NKAIN2: variants seen among roughly 807,000 people sequenced by gnomAD.
NKAIN2 encodes sodium/potassium-transporting ATPase subunit beta-1-interacting protein 2.
NKAIN2 carries 14 observed loss-of-function variants against 32.6 expected under a neutral mutation model. The observed-to-expected ratio is 0.43, with a 90% CI of 0.28 to 0.67. NKAIN2 has a LOEUF of 0.67. Among genes scored for constraint, NKAIN2 ranks in the 30% least tolerant of loss-of-function variants. The probability of loss-of-function intolerance (pLI) is 0.17; values close to 1 mark genes in which losing one functional copy is unlikely to be tolerated. For synonymous variants in NKAIN2, 80 were observed against 87.2 expected, an observed-to-expected ratio of 0.92 and a Z score of 0.46; for missense variants, 198 against 258.3, an observed-to-expected ratio of 0.77 and a Z score of 1.60.
At chr6:124,777,947 T>TCACA (rs142387344) in intron 4 of NKAIN2, among the ~76,000 whole-genome samples, 4,008 of 146,848 alleles carry the variant, frequency 0.027, 132 homozygotes, top group African/African-American at 0.08. Flanking sequence ...GAAATCACAT[T>TCACA]CACACACACA....
intron 4 of NKAIN2, among the ~76,000 whole-genome samples, chr6:124,786,880 C>T (rs1278420016): frequency 6.6e-6 from 1 of 152,068 alleles, no homozygotes; most frequent in Non-Finnish European, 1.5e-5. Flanking sequence ...ATACTCATAT[C>T]TACTCTAACA....
chr6:124,653,436 T>A, intron 3 of NKAIN2, among the ~76,000 whole-genome samples: 1 of 85,794 alleles, frequency 1.2e-5, no homozygotes, highest in African/African-American at 4.4e-5. Flanking sequence ...TAATTGCACA[T>A]CCACATGCAA....
At chr6:124,235,214 C>T (rs1031605561) in intron 1 of NKAIN2, among the ~76,000 whole-genome samples, 1 of 152,142 alleles carries the variant, frequency 6.6e-6, no homozygotes, top group African/African-American at 2.4e-5. Flanking sequence ...GGAAAAAGTA[C>T]ATTTGTTTAT....
chr6:124,173,027 T>C (rs1029143845), intron 1 of NKAIN2, among the ~76,000 whole-genome samples: 7 of 152,110 alleles, frequency 4.6e-5, no homozygotes, highest in Admixed American at 1.3e-4. Flanking sequence ...ATTCAAATCA[T>C]AGCTGATTTT....
At chr6:124,542,036 T>G (rs1779931235) in intron 3 of NKAIN2, among the ~76,000 whole-genome samples, 1 of 152,116 alleles carries the variant, frequency 6.6e-6, no homozygotes, top group South Asian at 2.1e-4. Flanking sequence ...ATGTAAGAAA[T>G]TTATTTAAAA....
At chr6:124,630,291 A>G (rs535782638) in intron 3 of NKAIN2, among the ~76,000 whole-genome samples, 1 of 152,252 alleles carries the variant, frequency 6.6e-6, no homozygotes, top group East Asian at 1.9e-4. Context: ...CAAAGGAAGG[A>G]TTATTCAGAT....
chr6:123,845,155 A>G lies in NKAIN2; in HGVS notation c.54+40901A>G, dbSNP rs558580901. Among the ~76,000 whole-genome samples the G allele has an allele frequency of 3.2e-4, 48 of 152,318 alleles. 1 individual carries two copies. The South Asian group carries it at 8.1e-3, about 26-fold the overall frequency. ...GTTTATACGCTTGGAGTGAATCAAT[A>G]TATGTACTTCTATTTGCTGGTAGCT... On this transcript the variant is annotated intron_variant, in intron 1 of 6. Coordinates refer to ENST00000368417, the MANE Select transcript of NKAIN2 (RefSeq NM_001040214.3).
intron 3 of NKAIN2, among the ~76,000 whole-genome samples, chr6:124,545,762 G>A (rs1349093357): frequency 6.6e-6 from 1 of 151,980 alleles, no homozygotes; most frequent in African/African-American, 2.4e-5. Flanking sequence ...TTTATGTGCA[G>A]TGTACTAAAT....
intron 1 of NKAIN2, among the ~76,000 whole-genome samples, chr6:124,198,120 A>G (rs979976034): frequency 2.6e-5 from 4 of 152,024 alleles, no homozygotes; most frequent in Non-Finnish European, 5.9e-5. Flanking sequence ...CTTTGCCCAT[A>G]ACTCCAATAA....
intron 1 of NKAIN2, among the ~76,000 whole-genome samples, chr6:123,892,699 G>T (rs1774080185): frequency 6.6e-6 from 1 of 151,790 alleles, no homozygotes. Context: ...AAATATTCAT[G>T]GAGTGAGGAT....
In NKAIN2 at chr6:124,795,244, C is replaced by T. The variant is rs75245869; in HGVS notation, c.535+3845C>T. On this transcript the variant is annotated intron_variant, in intron 5 of 6. Coordinates refer to ENST00000368417, the MANE Select transcript of NKAIN2 (RefSeq NM_001040214.3). ...GGAGATAAGGGCCCAATGATGGCAACTGGACAAAATGTTCTTTAAGTCAAC... is the reference window on the plus strand; with the variant it reads ...GGAGATAAGGGCCCAATGATGGCAATTGGACAAAATGTTCTTTAAGTCAAC... 3.7e-3 allele frequency among the ~76,000 whole-genome samples: 560 copies of T among 152,268 alleles called. 2 individuals carry two copies. Among genetic ancestry groups the T allele is most frequent in the African/African-American group, 0.013 (542 of 41,570 alleles).
At chr6:124,165,631 G>A (rs1788494942) in intron 1 of NKAIN2, among the ~76,000 whole-genome samples, 1 of 148,846 alleles carries the variant, frequency 6.7e-6, no homozygotes, top group Non-Finnish European at 1.5e-5. Flanking sequence ...TCGTCATTTA[G>A]CATTAGGTAT....
chr6:124,678,685 C>G (rs1163846073), intron 4 of NKAIN2, among the ~76,000 whole-genome samples: 2 of 152,042 alleles, frequency 1.3e-5, no homozygotes, highest in African/African-American at 4.8e-5. Flanking sequence ...TTTTATATAC[C>G]ACCATAGTTT....
intron 3 of NKAIN2, among the ~76,000 whole-genome samples, chr6:124,451,834 T>C (rs1776119661): frequency 6.6e-6 from 1 of 152,090 alleles, no homozygotes; most frequent in African/African-American, 2.4e-5. Flanking sequence ...GATGGGTTTC[T>C]TATACTGAAT....
chr6:124,464,881 GT>G (rs910981775), intron 3 of NKAIN2, among the ~76,000 whole-genome samples: 1 of 151,070 alleles, frequency 6.6e-6, no homozygotes, highest in Admixed American at 6.6e-5. Flanking sequence ...ATTTAAAGTA[GT>G]TTTTTTTTCT....
At chr6:124,704,836 T>C (rs1774973140) in intron 4 of NKAIN2, among the ~76,000 whole-genome samples, 2 of 151,956 alleles carry the variant, frequency 1.3e-5, no homozygotes, top group Admixed American at 1.3e-4. Context: ...TGATTTTACC[T>C]CTCAGCAGGA....
chr6:124,075,655 G>A (rs919926780), intron 1 of NKAIN2, among the ~76,000 whole-genome samples: 4 of 152,130 alleles, frequency 2.6e-5, no homozygotes, highest in African/African-American at 9.7e-5. Flanking sequence ...GAATGCAGTG[G>A]CGTAATCTCA....
At chr6:124,540,267 C>T (rs531316725) in intron 3 of NKAIN2, among the ~76,000 whole-genome samples, 2 of 152,262 alleles carry the variant, frequency 1.3e-5, no homozygotes, top group Admixed American at 1.3e-4. Context: ...CCTCATAGAG[C>T]ACAGCTCTAG....
intron 4 of NKAIN2, among the ~76,000 whole-genome samples, chr6:124,722,142 T>C (rs1026212272): frequency 6.6e-6 from 1 of 152,372 alleles, no homozygotes; most frequent in African/African-American, 2.4e-5. Context: ...TGTTGTAGCA[T>C]GTGTCAGAAT....
Sources: gnomAD v4.1 joint callset for allele counts (sites outside exome capture counted in the v4.1 genomes callset) on GRCh38, gnomAD v4.1.1 for gene constraint, MANE v1.5 for transcripts, NCBI Gene and HGNC (gene_info 2026-07-23, HGNC 2026-07-21) for gene names.